Variants in CAMKMT observed in about 807,000 individuals in gnomAD.
CAMKMT encodes CaM KMT.
In CAMKMT, 53 loss-of-function variants were observed where a neutral mutation model predicts 48.0. That is an observed-to-expected ratio of 1.10 (90% confidence interval 0.89 to 1.39). The LOEUF is 1.39. Ranked by LOEUF, CAMKMT falls within the 40% of genes most tolerant of loss-of-function variation. CAMKMT has a pLI of 0.00. For synonymous variants in CAMKMT, 165 were observed against 152.3 expected, an observed-to-expected ratio of 1.08 and a Z score of -0.61; for missense variants, 428 against 402.7, an observed-to-expected ratio of 1.06 and a Z score of -0.54.
chr2:44,368,995 C>T (rs1192970115), intron 1 of CAMKMT, among the ~76,000 whole-genome samples: 5 of 152,224 alleles, frequency 3.3e-5, no homozygotes, highest in South Asian at 2.1e-4. Flanking sequence ...AAGCAGTTCT[C>T]GTGCCTCAGC....
At chr2:44,386,640 T>G (rs755009412) in intron 2 of CAMKMT, among the ~76,000 whole-genome samples, 1 of 152,128 alleles carries the variant, frequency 6.6e-6, no homozygotes, top group African/African-American at 2.4e-5. Flanking sequence ...GTCATTTTGA[T>G]GTAGGCATTT....
chr2:44,685,498 C>A (rs1442794125), intron 3 of CAMKMT, among the ~76,000 whole-genome samples: 15 of 152,316 alleles, frequency 9.8e-5, no homozygotes, highest in East Asian at 1.9e-4. Context: ...GGTGTCCTTT[C>A]CAACTTGCTC....
intron 3 of CAMKMT, among the ~76,000 whole-genome samples, chr2:44,675,080 G>GGGT (rs1675598611): frequency 2.7e-5 from 4 of 145,626 alleles, no homozygotes; most frequent in Admixed American, 7.1e-5. Flanking sequence ...CAACCTTAAG[G>GGGT]GGGGGAAAAA....
chr2:44,438,005 G>C (rs569502961), intron 3 of CAMKMT, among the ~76,000 whole-genome samples: 1 of 152,048 alleles, frequency 6.6e-6, no homozygotes, highest in Admixed American at 6.5e-5. Context: ...AATACAGACA[G>C]CTTCTTATTC....
chr2:44,668,221 C>T (rs1675114306), intron 3 of CAMKMT, among the ~76,000 whole-genome samples: 1 of 152,202 alleles, frequency 6.6e-6, no homozygotes, highest in South Asian at 2.1e-4. Context: ...AGAACTACTT[C>T]ATTTCCCATC....
intron 7 of CAMKMT, among the ~76,000 whole-genome samples, chr2:44,737,872 T>A (rs528729070): frequency 1.0e-4 from 13 of 126,150 alleles, no homozygotes; most frequent in Non-Finnish European, 2.0e-4. Flanking sequence ...TTTTTTTTTT[T>A]CTTGAGATGG....
intron 3 of CAMKMT, among the ~76,000 whole-genome samples, chr2:44,526,182 T>C (rs994367370): frequency 7.9e-5 from 12 of 152,220 alleles, no homozygotes; most frequent in African/African-American, 2.9e-4. Context: ...ATATGCCTCT[T>C]TCCCAAGATT....
rs113948028 is a variant in CAMKMT, at chr2:44,690,407, T to A, written c.377-13876T>A. Among the ~76,000 whole-genome samples the A allele has an allele frequency of 3.5e-3, 530 of 152,310 alleles. 5 individuals carry two copies. Among genetic ancestry groups the A allele is most frequent in the African/African-American group, 0.012 (493 of 41,574 alleles). ...CAGAGCTATGAGAACTAGCAACTAGTTCTCTTGATTCTAGGACCAGCCATC... is the reference window on the plus strand; with the variant it reads ...CAGAGCTATGAGAACTAGCAACTAGATCTCTTGATTCTAGGACCAGCCATC... On this transcript the variant is annotated intron_variant, in intron 3 of 10. Transcript: ENST00000378494.
intron 8 of CAMKMT, among the ~76,000 whole-genome samples, chr2:44,753,249 CAAAAA>C (rs772390371): frequency 6.1e-5 from 4 of 65,460 alleles, no homozygotes; most frequent in Non-Finnish European, 1.2e-4. Context: ...CCTGTCCCTA[CAAAAA>C]AAAAAAAAAA....
intron 3 of CAMKMT, among the ~76,000 whole-genome samples, chr2:44,537,285 A>AGAATATACAAG (rs1316079499): frequency 1.3e-5 from 2 of 152,242 alleles, no homozygotes; most frequent in African/African-American, 4.8e-5. Flanking sequence ...ACTAATATCC[A>AGAATATACAAG]GAATATACAA....
chr2:44,527,785 G>GGC (rs1553409530), intron 3 of CAMKMT, among the ~76,000 whole-genome samples: 1 of 84,820 alleles, frequency 1.2e-5, no homozygotes, highest in Non-Finnish European at 2.3e-5. Context: ...CATGTGTACA[G>GGC]CCCCCCCCCC....
At chr2:44,756,742 A>C (rs953006788) in intron 9 of CAMKMT, among the ~76,000 whole-genome samples, 19 of 133,628 alleles carry the variant, frequency 1.4e-4, no homozygotes, top group African/African-American at 5.1e-4. Flanking sequence ...ACTCTGTCTC[A>C]AAAAAAAAAA....
rs112552485 is a variant in CAMKMT at position 44,564,623 on chromosome 2, C to G, written c.377-139660C>G. 1.9e-3 allele frequency among the ~76,000 whole-genome samples: 284 copies of G among 152,274 alleles called. 1 individual carries two copies. The Middle Eastern group carries it at 0.027, about 15-fold the overall frequency. On this transcript the variant is annotated intron_variant, in intron 3 of 10. Transcript: ENST00000378494. Reference sequence around the variant, plus strand: ...AGTGCAGTGTGGCACGATCTCAGCTCAGTCTCCCAGGTTCAAGCGATTCTC... The same window carrying G: ...AGTGCAGTGTGGCACGATCTCAGCTGAGTCTCCCAGGTTCAAGCGATTCTC...
chr2:44,727,127 T>C (rs1319262519), intron 7 of CAMKMT, among the ~76,000 whole-genome samples: 1 of 152,196 alleles, frequency 6.6e-6, no homozygotes, highest in Admixed American at 6.5e-5. Flanking sequence ...ATATGAATTT[T>C]AAAATAACCT....
intron 3 of CAMKMT, among the ~76,000 whole-genome samples, chr2:44,415,826 T>C (rs1441572491): frequency 6.6e-6 from 1 of 152,206 alleles, no homozygotes; most frequent in Non-Finnish European, 1.5e-5. Flanking sequence ...CTTATACATA[T>C]ATTCAGTACT....
chr2:44,431,196 A>G (rs1270894826), intron 3 of CAMKMT, among the ~76,000 whole-genome samples: 3 of 152,212 alleles, frequency 2.0e-5, no homozygotes, highest in Non-Finnish European at 2.9e-5. Context: ...AAGATATTAT[A>G]AATAACATTT....
At chr2:44,403,317 T>A (rs1246354330) in intron 3 of CAMKMT, among the ~76,000 whole-genome samples, 1 of 152,138 alleles carries the variant, frequency 6.6e-6, no homozygotes, top group East Asian at 1.9e-4. Flanking sequence ...GTATTTTACC[T>A]TCCTTACCAC....
chr2:44,461,378 G>A (rs1667842088), intron 3 of CAMKMT, among the ~76,000 whole-genome samples: 1 of 152,104 alleles, frequency 6.6e-6, no homozygotes, highest in South Asian at 2.1e-4. Flanking sequence ...ATTCCCAGAT[G>A]AGGAAATTGA....
At chr2:44,497,976 G>T (rs1243556983) in intron 3 of CAMKMT, among the ~76,000 whole-genome samples, 1 of 152,096 alleles carries the variant, frequency 6.6e-6, no homozygotes, top group Non-Finnish European at 1.5e-5. Context: ...AGACTGGAAA[G>T]GTTAGGTCAT....
Sources: allele counts gnomAD v4.1 joint callset (sites outside exome capture counted in the v4.1 genomes callset), GRCh38; gene constraint gnomAD v4.1.1; transcripts MANE v1.5; gene names NCBI Gene and HGNC (gene_info 2026-07-23, HGNC 2026-07-21).